Variants in PBRM1 observed in about 807,000 individuals in gnomAD.
The protein encoded by PBRM1 is polybromo 1.
PBRM1 carries 27 observed loss-of-function variants against 194.5 expected under a neutral mutation model. The ratio of observed to expected loss-of-function variants is 0.14; its 90% confidence interval spans 0.10 to 0.19. The LOEUF (loss-of-function observed/expected upper bound fraction) is 0.19. PBRM1 is among the 10% of genes least tolerant of loss of function. PBRM1 has a pLI of 1.00. For synonymous variants in PBRM1, 655 were observed against 693.2 expected, an observed-to-expected ratio of 0.94 and a Z score of 0.87; for missense variants, 1,466 against 2,077.2, an observed-to-expected ratio of 0.71 and a Z score of 5.72.
chr3:52,613,050 G>T (rs1351811502), intron 15 of PBRM1, among the ~76,000 whole-genome samples: 2 of 151,968 alleles, frequency 1.3e-5, no homozygotes, highest in Non-Finnish European at 2.9e-5. Flanking sequence ...ATGAAACCAA[G>T]AAATTACTGC....
intron 13 of PBRM1, among the ~76,000 whole-genome samples, chr3:52,622,356 AAAGACAAAAAAATACTTAG>A (rs1389550259): frequency 1.5e-5 from 1 of 67,744 alleles, no homozygotes; most frequent in African/African-American, 3.6e-5. Context: ...AAAAAAAAAG[AAAGACAAAAAAATACTTAG>A]GAGGACAACA....
chr3:52,643,499 G>T (rs2096184339), intron 8 of PBRM1, among the ~76,000 whole-genome samples, 156 bp from the exon 10 acceptor site: 1 of 152,202 alleles, frequency 6.6e-6, no homozygotes, highest in Admixed American at 6.5e-5. Context: ...TTCAGGCCCT[G>T]GGGACTCTGC....
chr3:52,558,024 G>T (rs1214610528), intron 26 of PBRM1, among the ~76,000 whole-genome samples: 1 of 152,230 alleles, frequency 6.6e-6, no homozygotes, highest in East Asian at 1.9e-4. Context: ...AGCCAGGGAA[G>T]AGCTGCTCCC....
At chr3:52,556,064 T>TA (rs1297157238) in intron 26 of PBRM1, among the ~76,000 whole-genome samples, 6 of 152,194 alleles carry the variant, frequency 3.9e-5, no homozygotes, top group Non-Finnish European at 5.9e-5. Flanking sequence ...CTCATTTTTA[T>TA]AAAATACTCT....
At chr3:52,596,013 T>G (rs781085142) in intron 17 of PBRM1, among the ~76,000 whole-genome samples, 12 of 152,244 alleles carry the variant, frequency 7.9e-5, no homozygotes, top group Non-Finnish European at 1.2e-4. Context: ...TCTGTTTTTA[T>G]GCCAGCACCA....
intron 3 of PBRM1, among the ~76,000 whole-genome samples, chr3:52,663,339 T>A (rs893991053): frequency 6.6e-6 from 1 of 152,190 alleles, no homozygotes; most frequent in African/African-American, 2.4e-5. Flanking sequence ...GGAACTCAAA[T>A]CAGTTTCTGT....
chr3:52,608,382 T>TA (rs1195641304), intron 16 of PBRM1, among the ~76,000 whole-genome samples: 1 of 152,224 alleles, frequency 6.6e-6, no homozygotes, highest in East Asian at 1.9e-4. Context: ...TCATAAGGGT[T>TA]AGAGATTGCC....
chr3:52,577,026 T>C (rs374752195), intron 21 of PBRM1, among the ~76,000 whole-genome samples: 58 of 152,332 alleles, frequency 3.8e-4, no homozygotes, highest in African/African-American at 1.4e-3. Context: ...GCATTTGTCA[T>C]TGGACTTGTG....
chr3:52,596,872 G>C (rs1421153414), intron 17 of PBRM1, among the ~76,000 whole-genome samples: 1 of 152,082 alleles, frequency 6.6e-6, no homozygotes, highest in Admixed American at 6.6e-5. Context: ...AAGTCCACTG[G>C]CTCTGAGCCC....
intron 12 of PBRM1, among the ~76,000 whole-genome samples, chr3:52,628,065 T>C (rs1448439691): frequency 6.6e-6 from 1 of 152,176 alleles, no homozygotes; most frequent in Admixed American, 6.5e-5. Context: ...TTAAAACCCC[T>C]AGATGAACCA....
chr3:52,662,169 TTCA>T (rs750171614), exon 4 of PBRM1: 2 of 1,614,032 alleles, frequency 1.2e-6, no homozygotes, highest in African/African-American at 1.3e-5. Context: ...CTTGCCCATC[TTCA>T]TCATCATCTT....
At chr3:52,665,599 C>A (rs892639525) in intron 3 of PBRM1, among the ~76,000 whole-genome samples, 2 of 152,166 alleles carry the variant, frequency 1.3e-5, no homozygotes, top group Non-Finnish European at 2.9e-5. Flanking sequence ...CTCCTCCTGT[C>A]ACATCAGCAG....
chr3:52,596,751 TCTC>T (rs1316360778), intron 17 of PBRM1, among the ~76,000 whole-genome samples: 2 of 152,012 alleles, frequency 1.3e-5, no homozygotes, highest in Admixed American at 1.3e-4. Context: ...TTCCCTCTCC[TCTC>T]CTCAAGTGGA....
chr3:52,684,528 G>GA (rs1340675657), upstream of PBRM1, among the ~76,000 whole-genome samples: 1 of 151,898 alleles, frequency 6.6e-6, no homozygotes, highest in African/African-American at 2.4e-5. Flanking sequence ...CTACTTCCAA[G>GA]AAAAAAACCA....
intron 8 of PBRM1, among the ~76,000 whole-genome samples, chr3:52,643,826 G>A (rs749766751): frequency 6.6e-6 from 1 of 152,072 alleles, no homozygotes; most frequent in Non-Finnish European, 1.5e-5. Flanking sequence ...AAAAAGATTA[G>A]CCGGGCATGG....
At chr3:52,630,661 A>G (rs1034160172) in intron 11 of PBRM1, among the ~76,000 whole-genome samples, 2 of 152,228 alleles carry the variant, frequency 1.3e-5, no homozygotes, top group East Asian at 1.9e-4. Context: ...GAAGGCAGCA[A>G]CATTAGACAT....
At chr3:52,657,353 CAAAA>C (rs1278960911) in intron 5 of PBRM1, among the ~76,000 whole-genome samples, 1 of 151,680 alleles carries the variant, frequency 6.6e-6, no homozygotes, top group African/African-American at 2.4e-5. Flanking sequence ...AATCAAAAAA[CAAAA>C]AACGTAAAAA....
At chr3:52,648,641 T>C (rs1478577091) in intron 6 of PBRM1, among the ~76,000 whole-genome samples, 199 bp from the exon 8 acceptor site, 2 of 152,236 alleles carry the variant, frequency 1.3e-5, no homozygotes, top group African/African-American at 4.8e-5. Context: ...GTTTTTGAGA[T>C]AGGTAACAAA....
intron 4 of PBRM1, among the ~76,000 whole-genome samples, chr3:52,661,166 C>T (rs1355528025): frequency 6.6e-6 from 1 of 152,148 alleles, no homozygotes; most frequent in African/African-American, 2.4e-5. Context: ...GCTGGGATTA[C>T]AGGCATGTGC....
Sources: gnomAD v4.1 joint callset for allele counts (sites outside exome capture counted in the v4.1 genomes callset) on GRCh38, gnomAD v4.1.1 for gene constraint, MANE v1.5 for transcripts, NCBI Gene and HGNC (gene_info 2026-07-23, HGNC 2026-07-21) for gene names.